Variants in FBXL17 observed in about 807,000 individuals in gnomAD.
FBXL17 encodes the protein F-box/LRR-repeat protein 17.
In FBXL17, 22 loss-of-function variants were observed where a neutral mutation model predicts 66.2. The ratio of observed to expected loss-of-function variants is 0.33; its 90% CI spans 0.24 to 0.47. The LOEUF is 0.47. Among genes scored for constraint, FBXL17 ranks in the 20% least tolerant of loss-of-function variants. The pLI, the probability that FBXL17 is intolerant of heterozygous loss-of-function variation, is 1.00. For synonymous variants in FBXL17, 474 were observed against 400.5 expected, an observed-to-expected ratio of 1.18 and a Z score of -2.19; for missense variants, 878 against 948.2, an observed-to-expected ratio of 0.93 and a Z score of 0.97.
chr5:107,963,262 T>C (rs964489842), intron 7 of FBXL17, among the ~76,000 whole-genome samples: 1 of 152,164 alleles, frequency 6.6e-6, no homozygotes, highest in South Asian at 2.1e-4. Context: ...GGGCCTATTG[T>C]GAGCCAGGTA....
intron 6 of FBXL17, among the ~76,000 whole-genome samples, chr5:108,051,886 G>A (rs927316728): frequency 1.3e-5 from 2 of 151,960 alleles, no homozygotes; most frequent in Non-Finnish European, 2.9e-5. Flanking sequence ...TGAGGCGGGC[G>A]GATCATGAGG....
rs189859758 is a variant in FBXL17, at chr5:108,077,518, C to G, written c.1746-56517G>C. Among the ~76,000 whole-genome samples, 500 of 152,062 alleles carry G rather than the reference C, an allele frequency of 3.3e-3. 5 individuals carry two copies. Among genetic ancestry groups the G allele is most frequent in the African/African-American group, 0.011 (473 of 41,482 alleles). ...TCTCTACAAAAAATCAAAAAATTAACCAGATGTGGTAGCATGTGCCTATGG... is the reference window on the plus strand; with the variant it reads ...TCTCTACAAAAAATCAAAAAATTAAGCAGATGTGGTAGCATGTGCCTATGG... On this transcript the variant is annotated intron_variant, in intron 6 of 8. Coordinates refer to ENST00000542267, the MANE Select transcript of FBXL17 (RefSeq NM_001163315.3).
chr5:107,995,295 G>C (rs1753426418), intron 7 of FBXL17, among the ~76,000 whole-genome samples: 1 of 152,144 alleles, frequency 6.6e-6, no homozygotes, highest in African/African-American at 2.4e-5. Flanking sequence ...TGTTTTACAA[G>C]TCAACTATTT....
intron 7 of FBXL17, among the ~76,000 whole-genome samples, chr5:107,948,189 T>C (rs916705997): frequency 1.3e-5 from 2 of 152,206 alleles, no homozygotes; most frequent in Non-Finnish European, 2.9e-5. Flanking sequence ...AATAAACCTT[T>C]TGAAAGTAGT....
chr5:108,219,553 G>A (rs1754759178), intron 5 of FBXL17, among the ~76,000 whole-genome samples: 1 of 152,122 alleles, frequency 6.6e-6, no homozygotes, highest in African/African-American at 2.4e-5. Context: ...CGGGCGTGGT[G>A]GTGGGCGCCT....
At chr5:107,878,273 A>G (rs898456108) in intron 8 of FBXL17, 3 of 941,804 alleles carry the variant, frequency 3.2e-6, no homozygotes, top group Non-Finnish European at 3.8e-6. Flanking sequence ...TCAAAATGGG[A>G]TAGTAGGCAA....
chr5:108,343,541 A>G (rs545821182), intron 4 of FBXL17, among the ~76,000 whole-genome samples: 8 of 152,338 alleles, frequency 5.3e-5, no homozygotes, highest in Non-Finnish European at 1.0e-4. Flanking sequence ...GGGTGCGGAC[A>G]ACCAATCTCC....
chr5:108,130,730 G>A (rs1274439727), intron 6 of FBXL17, among the ~76,000 whole-genome samples: 1 of 151,890 alleles, frequency 6.6e-6, no homozygotes, highest in African/African-American at 2.4e-5. Context: ...ACTGTCAATT[G>A]TGTTCTAACT....
chr5:107,935,839 A>T (rs1209640972), intron 7 of FBXL17, among the ~76,000 whole-genome samples: 1 of 152,118 alleles, frequency 6.6e-6, no homozygotes, highest in East Asian at 1.9e-4. Flanking sequence ...GGAAGCAAAG[A>T]TTGTATCACC....
chr5:108,009,076 C>A (rs1334127029), intron 7 of FBXL17, among the ~76,000 whole-genome samples: 1 of 149,762 alleles, frequency 6.7e-6, no homozygotes, highest in Admixed American at 6.7e-5. Context: ...TCAAACAGTA[C>A]ATAGCTAGTT....
At position 108,213,810 on chromosome 5, in the gene FBXL17, A is replaced by T. The variant is rs567532433; in HGVS notation, c.1614+10311T>A. Among the ~76,000 whole-genome samples, 5 of 152,364 alleles carry T rather than the reference A, an allele frequency of 3.3e-5. No individual in the cohort carries two copies. In the East Asian group the frequency reaches 5.8e-4, roughly 18 times the overall value. ...TACGTGTGTGGTGGTATTTTAATATAGTTTTAATTTGCATGTCCCTAATCC... is the reference window on the plus strand; with the variant it reads ...TACGTGTGTGGTGGTATTTTAATATTGTTTTAATTTGCATGTCCCTAATCC... On this transcript the variant is annotated intron_variant, in intron 5 of 8. Transcript: ENST00000542267.
chr5:108,112,322 T>G (rs114050314), intron 6 of FBXL17, among the ~76,000 whole-genome samples: 1,661 of 152,296 alleles, frequency 0.011, 41 homozygotes, highest in African/African-American at 0.038. Context: ...ACTTGATACT[T>G]CCATGAGCTT....
At chr5:108,059,777 C>T (rs1041124288) in intron 6 of FBXL17, among the ~76,000 whole-genome samples, 1 of 152,044 alleles carries the variant, frequency 6.6e-6, no homozygotes, top group African/African-American at 2.4e-5. Flanking sequence ...AATACACGTA[C>T]AATTTTACAA....
chr5:108,326,527 C>T (rs1159804794), intron 4 of FBXL17, among the ~76,000 whole-genome samples: 1 of 151,898 alleles, frequency 6.6e-6, no homozygotes, highest in African/African-American at 2.4e-5. Flanking sequence ...CGCTTAAACT[C>T]GGGAGGTGGA....
chr5:108,297,504 A>C (rs899282142), intron 4 of FBXL17, among the ~76,000 whole-genome samples: 1 of 151,694 alleles, frequency 6.6e-6, no homozygotes, highest in Non-Finnish European at 1.5e-5. Flanking sequence ...TTATTTTCAG[A>C]CTATGTGGCA....
chr5:108,039,628 T>G (rs1312013387), intron 6 of FBXL17, among the ~76,000 whole-genome samples: 1 of 152,110 alleles, frequency 6.6e-6, no homozygotes, highest in Non-Finnish European at 1.5e-5. Flanking sequence ...AATTTAAATA[T>G]CACTTGTTAA....
intron 7 of FBXL17, among the ~76,000 whole-genome samples, chr5:107,996,084 G>A (rs1381999091): frequency 2.0e-5 from 3 of 152,160 alleles, no homozygotes; most frequent in African/African-American, 7.2e-5. Flanking sequence ...CTTGGACCAT[G>A]TCTAAATGCT....
chr5:107,867,228 C>A (rs6596759), intron 8 of FBXL17, among the ~76,000 whole-genome samples: 42,957 of 152,080 alleles, frequency 0.28, 8,129 homozygotes, highest in African/African-American at 0.53. Flanking sequence ...TTCCATCTGA[C>A]ATCACCAGAT....
chr5:107,950,928 T>A (rs528558284), intron 7 of FBXL17, among the ~76,000 whole-genome samples: 20 of 152,300 alleles, frequency 1.3e-4, no homozygotes, highest in African/African-American at 4.6e-4. Flanking sequence ...GCAAAACTAA[T>A]TTTCAAATTA....
Sources: gnomAD v4.1 joint callset for allele counts (sites outside exome capture counted in the v4.1 genomes callset) on GRCh38, gnomAD v4.1.1 for gene constraint, MANE v1.5 for transcripts, NCBI Gene and HGNC (gene_info 2026-07-23, HGNC 2026-07-21) for gene names.